TENM2: variants seen among roughly 807,000 people sequenced by gnomAD.
The protein encoded by TENM2 is teneurin transmembrane protein 2.
In TENM2, 52 loss-of-function variants were observed where a neutral mutation model predicts 245.2. The observed-to-expected ratio is 0.21, with a 90% CI of 0.17 to 0.27. The LOEUF is 0.27. Ranked by LOEUF, TENM2 falls within the 10% of genes least tolerant of loss-of-function variation. The pLI is 1.00. For missense variants in TENM2, 3,046 were observed against 3,666.8 expected (o/e 0.83, Z 4.37); for synonymous variants, 1,363 against 1,438.9 (o/e 0.95, Z 1.19).
At chr5:167,398,531 A>T (rs1473976871) in intron 2 of TENM2, among the ~76,000 whole-genome samples, 2 of 151,084 alleles carry the variant, frequency 1.3e-5, no homozygotes, top group Non-Finnish European at 2.9e-5. Context: ...TCTCAGATTC[A>T]AGTGATTCTC....
At chr5:168,115,099 G>A (rs1794952154) in intron 9 of TENM2, among the ~76,000 whole-genome samples, 1 of 152,036 alleles carries the variant, frequency 6.6e-6, no homozygotes, top group South Asian at 2.1e-4. Context: ...TTCGAGACCA[G>A]CCTAGCCAAC....
intron 2 of TENM2, among the ~76,000 whole-genome samples, chr5:167,696,713 C>T (rs1001646189): frequency 4.6e-5 from 7 of 152,268 alleles, no homozygotes; most frequent in South Asian, 2.1e-4. Flanking sequence ...CAAATGTCTC[C>T]GTTAGCGCGA....
Position 168,174,311 on chromosome 5 carries a change from C to T in TENM2, c.2569+11554C>T, listed in dbSNP as rs567304581. Among the ~76,000 whole-genome samples the T allele has an allele frequency of 1.1e-4, 17 of 152,292 alleles. 1 individual carries two copies. The South Asian group carries it at 2.1e-3, about 19-fold the overall frequency. On this transcript the variant is annotated intron_variant, in intron 13 of 28. Transcript: ENST00000518659. The stretch of plus-strand genomic sequence containing the variant: ...GCTTTGGGATTTGAGCTTCAGGTCA[C>T]GTCCCAGCTCCTCCACTTCCTCAAG...
intron 2 of TENM2, among the ~76,000 whole-genome samples, chr5:167,738,936 G>A (rs923979078): frequency 1.2e-4 from 18 of 152,200 alleles, no homozygotes; most frequent in Admixed American, 1.0e-3. Flanking sequence ...CTGAGGCACT[G>A]GGGGTTAGGG....
intron 2 of TENM2, among the ~76,000 whole-genome samples, chr5:167,850,114 A>C (rs879257725): frequency 7.2e-5 from 11 of 152,308 alleles, no homozygotes; most frequent in Admixed American, 5.9e-4. Context: ...CAAAGCTATC[A>C]AGATGACCCC....
At chr5:167,296,411 A>G (rs550648704) in intron 1 of TENM2, 1 of 152,184 alleles carries the variant, frequency 6.6e-6, no homozygotes, top group Non-Finnish European at 1.5e-5. Context: ...AAAGCACTGA[A>G]TTTGTTTGTA....
rs749818123 is a variant in TENM2 at position 167,532,706 on chromosome 5, CTATATATG to C, written c.502+157241_502+157248del. Among the ~76,000 whole-genome samples, 5 of 139,712 alleles carry C rather than the reference CTATATATG, an allele frequency of 3.6e-5. No individual in the cohort carries two copies. In the South Asian group the frequency reaches 6.9e-4, roughly 19 times the overall value. The allele number at this position is 139,712 out of a possible 152,430, so 91.7% of individuals were successfully genotyped here. A position where few individuals can be genotyped will look rare whatever the true frequency, so the allele number is the denominator to read the frequency against. On this transcript the variant is annotated intron_variant, in intron 2 of 28. Coordinates refer to ENST00000518659, the Ensembl canonical transcript of TENM2. ...CTCCTATATGTGTATATATACATAT[CTATATATG>C]TATATATACACACACATATATACAC...
intron 7 of TENM2, among the ~76,000 whole-genome samples, chr5:168,065,575 G>A (rs1326456994): frequency 6.6e-6 from 1 of 152,126 alleles, no homozygotes; most frequent in Non-Finnish European, 1.5e-5. Context: ...GAATTTATGT[G>A]TAGCCCTGGC....
At chr5:167,949,581 C>T (rs2151824284) in intron 3 of TENM2, among the ~76,000 whole-genome samples, 1 of 152,320 alleles carries the variant, frequency 6.6e-6, no homozygotes, top group East Asian at 1.9e-4. Flanking sequence ...TCCTTCCTCT[C>T]TAACTTTCAC....
the TENM2 span, among the ~76,000 whole-genome samples, chr5:167,123,488 T>TA: frequency 6.6e-6 from 1 of 152,310 alleles, no homozygotes; most frequent in Non-Finnish European, 1.5e-5. Context: ...CCCATGATCT[T>TA]AAAGGCCTAT....
At chr5:167,461,010 A>T (rs369377879) in intron 2 of TENM2, among the ~76,000 whole-genome samples, 2 of 152,214 alleles carry the variant, frequency 1.3e-5, no homozygotes, top group African/African-American at 4.8e-5. Context: ...GCATCTTTTG[A>T]TAGGAGGAGA....
At chr5:167,707,754 C>T (rs778002664) in intron 2 of TENM2, among the ~76,000 whole-genome samples, 8 of 152,158 alleles carry the variant, frequency 5.3e-5, no homozygotes, top group African/African-American at 9.7e-5. Context: ...TCTCAGATCC[C>T]GAACCAGACT....
At chr5:168,145,253 C>T (rs1277927500) in intron 12 of TENM2, among the ~76,000 whole-genome samples, 5 of 143,094 alleles carry the variant, frequency 3.5e-5, no homozygotes, top group Non-Finnish European at 7.6e-5. Flanking sequence ...GAAGTCCTTG[C>T]CCATGCCTAT....
chr5:167,730,709 A>G (rs949701789), intron 2 of TENM2, among the ~76,000 whole-genome samples: 4 of 152,182 alleles, frequency 2.6e-5, no homozygotes, highest in South Asian at 4.1e-4. Flanking sequence ...TATTAATCCA[A>G]TTGTTTGTGA....
At chr5:167,899,859 T>TA (rs1258618661) in intron 3 of TENM2, among the ~76,000 whole-genome samples, 20 of 152,126 alleles carry the variant, frequency 1.3e-4, no homozygotes, top group Non-Finnish European at 2.6e-4. Context: ...ATCCGACTCT[T>TA]ACAAAAAGTT....
intron 2 of TENM2, among the ~76,000 whole-genome samples, chr5:167,427,859 C>T (rs1391621496): frequency 2.4e-5 from 2 of 83,230 alleles, no homozygotes; most frequent in South Asian, 4.2e-4. Flanking sequence ...GAAGGAAGGA[C>T]GGAAAGGAAG....
the TENM2 span, among the ~76,000 whole-genome samples, chr5:166,980,108 G>A: frequency 1.1e-4 from 16 of 152,220 alleles, no homozygotes; most frequent in East Asian, 2.9e-3. Flanking sequence ...TTTGCAGGAG[G>A]CAATAATAGA....
intron 2 of TENM2, among the ~76,000 whole-genome samples, chr5:167,538,046 C>G (rs1458195448): frequency 6.6e-6 from 1 of 152,164 alleles, no homozygotes; most frequent in East Asian, 1.9e-4. Context: ...AATCAGGAGA[C>G]AGTACTTATA....
chr5:168,044,304 A>G (rs780519386), intron 5 of TENM2, among the ~76,000 whole-genome samples: 2 of 152,074 alleles, frequency 1.3e-5, no homozygotes, highest in Non-Finnish European at 2.9e-5. Flanking sequence ...AGTCCCAGAT[A>G]CTCGGGAGGG....
Sources: allele counts gnomAD v4.1 joint callset (sites outside exome capture counted in the v4.1 genomes callset), GRCh38; gene constraint gnomAD v4.1.1; transcripts MANE v1.5; gene names NCBI Gene and HGNC (gene_info 2026-07-23, HGNC 2026-07-21).